Variants in PCDHGA2 observed in about 807,000 individuals in gnomAD.
PCDHGA2 encodes protocadherin gamma-A2.
A neutral mutation model predicts 59.2 loss-of-function variants in PCDHGA2; 40 were observed. The ratio of observed to expected loss-of-function variants is 0.68; its 90% CI spans 0.52 to 0.88. The LOEUF (loss-of-function observed/expected upper bound fraction) is 0.88, where lower values mean the gene tolerates loss of function less well. Ranked by LOEUF, PCDHGA2 falls within the 40% of genes least tolerant of loss-of-function variation. The pLI is 0.00. For missense variants in PCDHGA2, 1,226 were observed against 1,204.0 expected (o/e 1.02, Z -0.27); for synonymous variants, 560 against 526.0 (o/e 1.06, Z -0.89).
chr5:141,444,900 T>C (rs997464788), intron 1 of PCDHGA2, among the ~76,000 whole-genome samples: 1 of 152,182 alleles, frequency 6.6e-6, no homozygotes, highest in Non-Finnish European at 1.5e-5. Context: ...TGGGATGGCA[T>C]TGCATCTATA....
intron 1 of PCDHGA2, among the ~76,000 whole-genome samples, chr5:141,438,591 CATATAT>C (rs946798767): frequency 1.2e-3 from 91 of 75,538 alleles, no homozygotes; most frequent in Non-Finnish European, 1.7e-3. Flanking sequence ...TACATACATA[CATATAT>C]ATATATATAT....
chr5:141,416,224 T>G (rs2096006627), intron 1 of PCDHGA2: 1 of 152,382 alleles, frequency 6.6e-6, no homozygotes, highest in Admixed American at 6.5e-5. Context: ...TATGCTTAGA[T>G]TTTTCCAGCC....
rs776550132 is a variant in PCDHGA2, at chr5:141,394,056, G to A, written c.2424+52661G>A. 6 of 1,613,616 alleles carry A rather than the reference G, an allele frequency of 3.7e-6. No homozygotes were observed. The African/African-American group carries it at 5.3e-5, about 14-fold the overall frequency. On this transcript the variant is annotated intron_variant, in intron 1 of 3. Coordinates refer to ENST00000394576, the MANE Select transcript of PCDHGA2 (RefSeq NM_018915.4). ...AAGGAAATATTTGGACCGAGAAAAT[G>A]TCTCTATCTACAATATCACAGTGAT...
At chr5:141,400,018 A>G in intron 1 of PCDHGA2, 2 of 1,612,648 alleles carry the variant, frequency 1.2e-6, no homozygotes, top group African/African-American at 1.3e-5. Context: ...CTTGGGCGAC[A>G]GGGACGCGGC....
chr5:141,392,661 A>T, intron 1 of PCDHGA2: 1 of 803,300 alleles, frequency 1.2e-6, no homozygotes, highest in Non-Finnish European at 1.9e-6. Context: ...CAGATGCCAC[A>T]AACTAACTGC....
intron 1 of PCDHGA2, among the ~76,000 whole-genome samples, chr5:141,474,404 G>A (rs1014003488): frequency 4.6e-5 from 7 of 152,156 alleles, no homozygotes; most frequent in East Asian, 1.9e-4. Context: ...CAAGCTCCCC[G>A]GTGATGCCTA....
intron 1 of PCDHGA2, chr5:141,345,529 C>A (rs768093121): frequency 8.7e-6 from 14 of 1,614,048 alleles, no homozygotes; most frequent in African/African-American, 4.0e-5. Context: ...CTCCAGGGGG[C>A]GCCCCTGTCC....
intron 1 of PCDHGA2, among the ~76,000 whole-genome samples, chr5:141,406,591 A>T (rs559975786): frequency 6.6e-6 from 1 of 152,164 alleles, no homozygotes; most frequent in African/African-American, 2.4e-5. Flanking sequence ...TTTCCCTTTA[A>T]TGGTGAAAGT....
chr5:141,356,897 C>T (rs1760380155), intron 1 of PCDHGA2: 1 of 1,614,116 alleles, frequency 6.2e-7, no homozygotes, highest in Non-Finnish European at 8.5e-7. Context: ...CTGTACCCCA[C>T]CTTCCCTACT....
intron 1 of PCDHGA2, chr5:141,370,241 T>A (rs1442707721): frequency 4.8e-6 from 3 of 626,086 alleles, no homozygotes; most frequent in Non-Finnish European, 7.8e-6. Flanking sequence ...GGAAGAAAAG[T>A]GCACTCTCTA....
chr5:141,407,985 A>G, intron 1 of PCDHGA2: 1 of 789,616 alleles, frequency 1.3e-6, no homozygotes, highest in Non-Finnish European at 1.9e-6. Flanking sequence ...GGGATCCGTC[A>G]GCCTCTGGCC....
At chr5:141,423,066 C>T (rs1375575018) in intron 1 of PCDHGA2, 2 of 1,614,002 alleles carry the variant, frequency 1.2e-6, no homozygotes, top group South Asian at 1.1e-5. Context: ...TTAAGGCCAG[C>T]GAGCCGGGAC....
intron 1 of PCDHGA2, chr5:141,384,389 AG>A: frequency 1.2e-6 from 2 of 1,613,942 alleles, no homozygotes; most frequent in South Asian, 1.1e-5. Context: ...GACACCATCC[AG>A]GGGGCTCCAG....
chr5:141,419,461 C>T, intron 1 of PCDHGA2: 2 of 1,612,628 alleles, frequency 1.2e-6, no homozygotes, highest in Non-Finnish European at 1.7e-6. Flanking sequence ...CGCTGCAGGC[C>T]CGCGACCAGG....
At chr5:141,388,794 A>G (rs879026266) in intron 1 of PCDHGA2, 1 of 1,613,898 alleles carries the variant, frequency 6.2e-7, no homozygotes, top group Non-Finnish European at 8.5e-7. Context: ...TGTTTTAAAT[A>G]CATTAGATTT....
intron 1 of PCDHGA2, among the ~76,000 whole-genome samples, chr5:141,465,683 A>G (rs2099107378): frequency 6.6e-6 from 1 of 152,236 alleles, no homozygotes; most frequent in African/African-American, 2.4e-5. Context: ...GCTCTTGACC[A>G]GTCTGCTTTT....
In PCDHGA2 at chr5:141,340,109, G is replaced by T. The variant is rs149474643; in HGVS notation, c.1138G>T (p.Ala380Ser). 34 of 1,613,938 alleles carry T rather than the reference G, an allele frequency of 2.1e-5. No individual in the cohort carries two copies. The South Asian group carries it at 3.4e-4, about 16-fold the overall frequency. ...NVHDRDSGQN[A>S]FTTCSLPEDL... ...ACATGATAGAGACTCTGGGCAGAAC[G>T]CATTCACCACCTGTTCACTCCCCGA... The change falls in exon 1 of 4, where the codon GCA becomes TCA. Residue 380 changes from alanine to serine, a missense_variant. Transcript: ENST00000394576.
rs867643623 is a variant in PCDHGA2, at chr5:141,362,000, G to T, written c.2424+20605G>T. On this transcript the variant is annotated intron_variant, in intron 1 of 3. Coordinates refer to ENST00000394576, the MANE Select transcript of PCDHGA2 (RefSeq NM_018915.4). ...CCCGGGCTCTTCAGCCTGGGGTTGCGCACGGGTGAGGTGCGCACAGCGCGT... is the reference window on the plus strand; with the variant it reads ...CCCGGGCTCTTCAGCCTGGGGTTGCTCACGGGTGAGGTGCGCACAGCGCGT... The T allele has an allele frequency of 6.2e-7, 1 of 1,603,372 alleles. No individual in the cohort carries two copies. Among genetic ancestry groups the T allele is most frequent in the African/African-American group, 1.3e-5 (1 of 74,752 alleles).
Position 141,422,656 on chromosome 5 carries a change from G to T in PCDHGA2, c.2425-72151G>T, listed in dbSNP as rs759548203. The T allele has an allele frequency of 7.5e-6, 12 of 1,609,898 alleles. 1 individual carries two copies. The African/African-American group carries it at 1.1e-4, about 14-fold the overall frequency. On this transcript the variant is annotated intron_variant, in intron 1 of 3. Transcript: ENST00000394576. The stretch of plus-strand genomic sequence containing the variant: ...GGGTGCCTCCATCTTCTCAGTGACC[G>T]CCCTCGACCCGGACAGCAAACAGAA...
Sources: allele counts gnomAD v4.1 joint callset (sites outside exome capture counted in the v4.1 genomes callset), GRCh38; gene constraint gnomAD v4.1.1; transcripts MANE v1.5; gene names NCBI Gene and HGNC (gene_info 2026-07-23, HGNC 2026-07-21).